CNTN5: variants seen among roughly 807,000 people sequenced by gnomAD.
The protein encoded by CNTN5 is contactin-5.
In CNTN5, 77 loss-of-function variants were observed where a neutral mutation model predicts 129.1. The ratio of observed to expected loss-of-function variants is 0.60; its 90% CI spans 0.50 to 0.72. CNTN5 has a LOEUF of 0.72. CNTN5 is among the 30% of genes least tolerant of loss of function. The pLI, the probability that CNTN5 is intolerant of heterozygous loss-of-function variation, is 0.00. For missense variants in CNTN5, 1,478 were observed against 1,328.8 expected (o/e 1.11, Z -1.75); for synonymous variants, 509 against 465.6 (o/e 1.09, Z -1.20).
At chr11:100,194,877 A>G (rs1450512830) in intron 15 of CNTN5, among the ~76,000 whole-genome samples, 5 of 149,886 alleles carry the variant, frequency 3.3e-5, no homozygotes, top group Non-Finnish European at 7.4e-5. Flanking sequence ...CTTCAAAACT[A>G]TTCCTTTCTT....
At chr11:99,621,829 T>C (rs191904290) in intron 3 of CNTN5, among the ~76,000 whole-genome samples, 278 of 152,346 alleles carry the variant, frequency 1.8e-3, no homozygotes, top group Middle Eastern at 0.014. Flanking sequence ...ATAAGTCTAA[T>C]TGAAAAGTTA....
intron 9 of CNTN5, among the ~76,000 whole-genome samples, chr11:100,016,217 C>T (rs1411371974): frequency 3.3e-5 from 5 of 152,030 alleles, no homozygotes; most frequent in South Asian, 2.1e-4. Context: ...GCCATAGATA[C>T]GGGAGAAGGG....
chr11:99,692,378 G>T (rs1158146674), intron 3 of CNTN5, among the ~76,000 whole-genome samples: 2 of 152,080 alleles, frequency 1.3e-5, no homozygotes. Context: ...GCTGGTAATG[G>T]TTTTTCTTTT....
intron 2 of CNTN5, among the ~76,000 whole-genome samples, chr11:99,458,300 C>T (rs528493043): frequency 7.2e-5 from 11 of 151,800 alleles, no homozygotes; most frequent in African/African-American, 2.4e-4. Flanking sequence ...AATAGCAATG[C>T]CACTTAACTT....
At chr11:99,219,966 C>G (rs915676897) in intron 1 of CNTN5, among the ~76,000 whole-genome samples, 1 of 151,912 alleles carries the variant, frequency 6.6e-6, no homozygotes, top group African/African-American at 2.4e-5. Context: ...GAGACTGGGT[C>G]TAAAACTTTG....
chr11:99,970,587 G>A (rs1324600840), intron 8 of CNTN5, among the ~76,000 whole-genome samples: 6 of 152,164 alleles, frequency 3.9e-5, no homozygotes, highest in Non-Finnish European at 5.9e-5. Context: ...AAAAGTGCCT[G>A]TTATTTAACA....
At chr11:100,073,512 TGTA>T (rs1436033340) in intron 12 of CNTN5, among the ~76,000 whole-genome samples, 1 of 151,782 alleles carries the variant, frequency 6.6e-6, no homozygotes, top group Admixed American at 6.6e-5. Context: ...ACTGTGGACT[TGTA>T]GACATCTTTC....
intron 6 of CNTN5, among the ~76,000 whole-genome samples, chr11:99,914,725 C>T (rs1023524110): frequency 9.9e-5 from 15 of 152,078 alleles, no homozygotes; most frequent in Non-Finnish European, 2.1e-4. Flanking sequence ...ACACATTCTG[C>T]AATAATGAAT....
intron 9 of CNTN5, among the ~76,000 whole-genome samples, chr11:100,019,224 A>G (rs1294412684): frequency 1.3e-5 from 2 of 151,906 alleles, no homozygotes; most frequent in African/African-American, 4.8e-5. Context: ...TGCCTAAACC[A>G]AGGGCAAAAG....
At chr11:99,664,726 T>C (rs1454328887) in intron 3 of CNTN5, among the ~76,000 whole-genome samples, 1 of 152,240 alleles carries the variant, frequency 6.6e-6, no homozygotes, top group Non-Finnish European at 1.5e-5. Context: ...TGCCCAAATG[T>C]ATTATAACTT....
At chr11:100,193,813 T>G (rs2138515102) in intron 15 of CNTN5, 150 bp downstream of exon 15, 1 of 657,568 alleles carries the variant, frequency 1.5e-6, no homozygotes, top group East Asian at 3.1e-5. Flanking sequence ...TTATTTTATG[T>G]TATGTCAAAC....
At chr11:99,045,545 AAAGATTTTAC>A (rs1466794492) in intron 1 of CNTN5, among the ~76,000 whole-genome samples, 2 of 152,228 alleles carry the variant, frequency 1.3e-5, no homozygotes, top group Non-Finnish European at 2.9e-5. Flanking sequence ...ATAAATTACA[AAAGATTTTAC>A]TTTAGCTTTC....
At position 99,656,144 on chromosome 11, in the gene CNTN5, G is replaced by A. The variant is rs373643356; in HGVS notation, c.55+99875G>A. ...TTAAAAGCCCACAAATTTATTTGCA[G>A]TCATAGATAAATTAATTCCTGTCTT... On this transcript the variant is annotated intron_variant, in intron 3 of 24. Transcript: ENST00000524871. 2.5e-4 allele frequency among the ~76,000 whole-genome samples: 38 copies of A among 152,062 alleles called. 1 individual carries two copies. In the South Asian group the frequency reaches 6.6e-3, roughly 27 times the overall value.
chr11:99,438,548 C>T (rs1055215802), intron 2 of CNTN5, among the ~76,000 whole-genome samples: 30 of 152,088 alleles, frequency 2.0e-4, no homozygotes, highest in Non-Finnish European at 8.8e-5. Flanking sequence ...TCATATCTCT[C>T]TCTCTCTCAT....
chr11:99,403,851 A>G (rs4754618), intron 2 of CNTN5, among the ~76,000 whole-genome samples: 152,017 of 152,268 alleles, frequency 1, 75,884 homozygotes, highest in Non-Finnish European at 1. Context: ...GAAAAGTTTT[A>G]TAAGTATCTA....
In CNTN5 at chr11:100,357,996, C is replaced by T. The variant is rs1591540938; in HGVS notation, c.*1776C>T. On this transcript the variant is annotated 3_prime_UTR_variant, in exon 25 of 25. Coordinates refer to ENST00000524871, the MANE Select transcript of CNTN5 (RefSeq NM_014361.4). ...TAAGTAAGTAATTATGACCAAGTGG[C>T]CTTTCTTGAACGCCTCCTTTAAAGT... 1 of 151,806 alleles carries T rather than the reference C, an allele frequency of 6.6e-6. No individual in the cohort carries two copies. The highest frequency in any genetic ancestry group is 1.9e-4 in the East Asian group (1 of 5,176). The allele number at this position is 151,806 out of a possible 1,614,324, so 9.4% of individuals were successfully genotyped here. A position where few individuals can be genotyped will look rare whatever the true frequency, so the allele number is the denominator to read the frequency against.
At chr11:100,249,723 G>C (rs896307545) in intron 16 of CNTN5, among the ~76,000 whole-genome samples, 2 of 152,062 alleles carry the variant, frequency 1.3e-5, no homozygotes, top group African/African-American at 4.8e-5. Context: ...CCTTTTAGGA[G>C]AACCTTTCCT....
intron 1 of CNTN5, among the ~76,000 whole-genome samples, chr11:99,298,827 C>A (rs1284910168): frequency 2.0e-5 from 3 of 151,948 alleles, no homozygotes; most frequent in African/African-American, 7.3e-5. Context: ...AGATAAACCC[C>A]CCTCCAACCA....
At chr11:99,807,864 T>C (rs1452167441) in intron 3 of CNTN5, among the ~76,000 whole-genome samples, 1 of 152,200 alleles carries the variant, frequency 6.6e-6, no homozygotes, top group Non-Finnish European at 1.5e-5. Context: ...GAGATGATTT[T>C]GTTCTGTAGT....
Sources: allele counts gnomAD v4.1 joint callset (sites outside exome capture counted in the v4.1 genomes callset), GRCh38; gene constraint gnomAD v4.1.1; transcripts MANE v1.5; gene names NCBI Gene and HGNC (gene_info 2026-07-23, HGNC 2026-07-21).